Variants in ONECUT2 observed in about 807,000 individuals in gnomAD.
ONECUT2 encodes the protein one cut domain family member 2.
A neutral mutation model predicts 27.9 loss-of-function variants in ONECUT2; 10 were observed. The ratio of observed to expected loss-of-function variants is 0.36; its 90% CI spans 0.22 to 0.61. The LOEUF (loss-of-function observed/expected upper bound fraction) is 0.61. Among genes scored for constraint, ONECUT2 ranks in the 20% least tolerant of loss-of-function variants. The probability of loss-of-function intolerance (pLI) is 0.73; values close to 1 mark genes in which losing one functional copy is unlikely to be tolerated. For synonymous variants in ONECUT2, 334 were observed against 315.1 expected (o/e 1.06, Z -0.64); for missense variants, 686 against 721.0 (o/e 0.95, Z 0.56).
intron 1 of ONECUT2, among the ~76,000 whole-genome samples, chr18:57,441,649 C>T (rs914401135): frequency 1.3e-5 from 2 of 152,370 alleles, no homozygotes; most frequent in African/African-American, 2.4e-5. Flanking sequence ...TGTGCTTGGC[C>T]GTTGCCACTG....
chr18:57,435,856 G>T lies in ONECUT2; in HGVS notation c.140G>T (p.Gly47Val). ...GGCAGTGGCGGGGGCGGCGGCGGGG[G>T]CGGCGGGGGCGGCGGCGGGGGCCCG... ...GGGSGGGGGG[G>V]GGGGGGGPGH... is the part of the protein sequence containing the mutation. The change falls in exon 1 of 2, where the codon GGC (glycine) becomes GTC (valine). Residue 47 changes from glycine to valine, a missense_variant. Physicochemically the swap from Gly to Val is moderately radical, Grantham distance 109. Transcript: ENST00000491143. 9.9e-7 allele frequency: 1 copy of T among 1,007,132 alleles called. No individual in the cohort carries two copies. Among genetic ancestry groups the T allele is most frequent in the Non-Finnish European group, 1.2e-6 (1 of 843,204 alleles). The allele number at this position is 1,007,132 out of a possible 1,614,324, so 62.4% of individuals were successfully genotyped here.
rs1027362483 is a variant in ONECUT2 at position 57,490,841 on chromosome 18, T to C, written c.*14118T>C. ...TTGACATCACCTCTCATGTTTAAAA[T>C]CAGGAAAACACACCCCTAAAATTTG... On this transcript the variant is annotated 3_prime_UTR_variant, in exon 2 of 2. Coordinates refer to ENST00000491143, the MANE Select transcript of ONECUT2 (RefSeq NM_004852.3). The C allele has an allele frequency of 6.5e-6, 1 of 152,744 alleles. No individual in the cohort carries two copies. Among genetic ancestry groups the C allele is most frequent in the African/African-American group, 2.4e-5 (1 of 41,570 alleles). 9.5% of individuals were successfully genotyped at this position (152,744 alleles called of 1,614,324 possible).
chr18:57,475,618 C>T (rs2050377965), intron 1 of ONECUT2, among the ~76,000 whole-genome samples: 1 of 152,180 alleles, frequency 6.6e-6, no homozygotes, highest in Admixed American at 6.5e-5. Flanking sequence ...GGTCGTGACA[C>T]ATAATGGCCT....
chr18:57,488,581 C>T lies in ONECUT2; in HGVS notation c.*11858C>T, dbSNP rs544267250. On this transcript the variant is annotated 3_prime_UTR_variant, in exon 2 of 2. Transcript: ENST00000491143. ...GCCATTTTATGTCCTTTTCTTTTAA[C>T]ATTGTGGAAAGTGGTATGTTGAATC... 2.6e-5 allele frequency: 4 copies of T among 152,686 alleles called. No individual in the cohort carries two copies. The East Asian group carries it at 7.7e-4, about 29-fold the overall frequency. 9.5% of individuals were successfully genotyped at this position (152,686 alleles called of 1,614,324 possible).
At chr18:57,451,576 CAGA>C (rs2144312335) in intron 1 of ONECUT2, among the ~76,000 whole-genome samples, 1 of 152,318 alleles carries the variant, frequency 6.6e-6, no homozygotes, top group African/African-American at 2.4e-5. Context: ...CATCTGGAAC[CAGA>C]AGGAGTCCAT....
chr18:57,474,291 C>T (rs2050369743), intron 1 of ONECUT2, among the ~76,000 whole-genome samples: 5 of 152,072 alleles, frequency 3.3e-5, no homozygotes, highest in Non-Finnish European at 7.4e-5. Context: ...GGAGGGCAGC[C>T]AGTTAGGTAG....
Position 57,486,825 on chromosome 18 carries a change from A to G in ONECUT2, c.*10102A>G, listed in dbSNP as rs1023456576. The G allele has an allele frequency of 6.6e-6, 1 of 152,568 alleles. No homozygotes were observed. The highest frequency in any genetic ancestry group is 2.4e-5 in the African/African-American group (1 of 41,496). 9.5% of individuals were successfully genotyped at this position (152,568 alleles called of 1,614,324 possible). The stretch of plus-strand genomic sequence containing the variant: ...ATTTGCTCTGTTGAAAAGAATAATT[A>G]TTTTCTACATTTGTGCCACTTGGTC... On this transcript the variant is annotated 3_prime_UTR_variant, in exon 2 of 2. Transcript: ENST00000491143.
chr18:57,445,013 C>T (rs554009911), intron 1 of ONECUT2, among the ~76,000 whole-genome samples: 11 of 152,088 alleles, frequency 7.2e-5, no homozygotes, highest in Non-Finnish European at 1.6e-4. Flanking sequence ...AAAATAGATG[C>T]ATTTGGCATC....
Position 57,486,392 on chromosome 18 carries a change from CTA to C in ONECUT2, c.*9671_*9672del, listed in dbSNP as rs901386107. ...TGTACTAATACCAAAGGTTCTTTCT[CTA>C]TGTCTCCTCCTCTGCCTCCCTCGTT... is the stretch of plus-strand genomic sequence containing the variant. On this transcript the variant is annotated 3_prime_UTR_variant, in exon 2 of 2. Coordinates refer to ENST00000491143, the MANE Select transcript of ONECUT2 (RefSeq NM_004852.3). 20 of 152,748 alleles carry C rather than the reference CTA, an allele frequency of 1.3e-4. No homozygotes were observed. The highest frequency in any genetic ancestry group is 4.8e-4 in the African/African-American group (20 of 41,560). 9.5% of individuals were successfully genotyped at this position (152,748 alleles called of 1,614,324 possible).
In ONECUT2 at chr18:57,488,542, G is replaced by A. The variant is rs1444258926; in HGVS notation, c.*11819G>A. 3 of 152,550 alleles carry A rather than the reference G, an allele frequency of 2.0e-5. No homozygotes were observed. The highest frequency in any genetic ancestry group is 2.0e-4 in the Admixed American group (3 of 15,262). The allele number at this position is 152,550 out of a possible 1,614,324, so 9.4% of individuals were successfully genotyped here. Reference sequence around the variant, plus strand: ...GAAGACTTGTCTTATGAAACCCAAGGTATATTTTGTTATGCCATTTTATGT... The same window carrying A: ...GAAGACTTGTCTTATGAAACCCAAGATATATTTTGTTATGCCATTTTATGT... On this transcript the variant is annotated 3_prime_UTR_variant, in exon 2 of 2. Transcript: ENST00000491143.
In ONECUT2 at chr18:57,484,025, A is replaced by G. The variant is rs1004711717; in HGVS notation, c.*7302A>G. On this transcript the variant is annotated 3_prime_UTR_variant, in exon 2 of 2. Transcript: ENST00000491143. ...CTGAACCTGTGCATTCAGAAAACATAAGCTGAGACCCTGCTTCACCAGCCT... is the reference window on the plus strand; with the variant it reads ...CTGAACCTGTGCATTCAGAAAACATGAGCTGAGACCCTGCTTCACCAGCCT... The G allele has an allele frequency of 2.0e-5, 3 of 152,658 alleles. No individual in the cohort carries two copies. The highest frequency in any genetic ancestry group is 7.2e-5 in the African/African-American group (3 of 41,460). The allele number at this position is 152,658 out of a possible 1,614,324, so 9.5% of individuals were successfully genotyped here. A position where few individuals can be genotyped will look rare whatever the true frequency, so the allele number is the denominator to read the frequency against.
chr18:57,471,473 C>G (rs2050353479), intron 1 of ONECUT2, among the ~76,000 whole-genome samples: 1 of 152,186 alleles, frequency 6.6e-6, no homozygotes, highest in East Asian at 1.9e-4. Context: ...TGTCCTGTGT[C>G]TGACCTCCTG....
chr18:57,451,594 C>T (rs189908565), intron 1 of ONECUT2, among the ~76,000 whole-genome samples: 30 of 152,352 alleles, frequency 2.0e-4, no homozygotes, highest in Admixed American at 4.6e-4. Flanking sequence ...GTCCATATCG[C>T]TAGCCCCACT....
intron 1 of ONECUT2, among the ~76,000 whole-genome samples, chr18:57,464,270 A>G (rs1353363008): frequency 6.6e-6 from 1 of 152,116 alleles, no homozygotes; most frequent in Non-Finnish European, 1.5e-5. Context: ...AGCTTTTGCC[A>G]TTTCATCAGT....
chr18:57,450,507 G>T (rs2050224249), intron 1 of ONECUT2, among the ~76,000 whole-genome samples: 1 of 152,112 alleles, frequency 6.6e-6, no homozygotes, highest in Non-Finnish European at 1.5e-5. Context: ...TAAATGCTTT[G>T]GTCATTGTTG....
At chr18:57,442,241 TG>T (rs141734335) in intron 1 of ONECUT2, among the ~76,000 whole-genome samples, 10,805 of 126,308 alleles carry the variant, frequency 0.086, 640 homozygotes, top group African/African-American at 0.19. Flanking sequence ...CTAATTCTTC[TG>T]GGTTTTTTTT....
Position 57,489,435 on chromosome 18 carries a change from C to T in ONECUT2, c.*12712C>T, listed in dbSNP as rs2050453945. On this transcript the variant is annotated 3_prime_UTR_variant, in exon 2 of 2. Transcript: ENST00000491143. ...CACATTGCCTATGCTGTTGATCTGT[C>T]TTGGGCGACAGGCTGAATCACAGCT... 6.6e-6 allele frequency: 1 copy of T among 152,164 alleles called. No individual in the cohort carries two copies. The highest frequency in any genetic ancestry group is 1.5e-5 in the Non-Finnish European group (1 of 68,054). 9.4% of individuals were successfully genotyped at this position (152,164 alleles called of 1,614,324 possible).
At chr18:57,451,630 A>G (rs1202624754) in intron 1 of ONECUT2, among the ~76,000 whole-genome samples, 1 of 152,186 alleles carries the variant, frequency 6.6e-6, no homozygotes, top group Non-Finnish European at 1.5e-5. Context: ...CTCCATCCCG[A>G]GCCTTAGATT....
intron 1 of ONECUT2, among the ~76,000 whole-genome samples, chr18:57,445,020 C>G (rs1468434502): frequency 6.6e-6 from 1 of 152,026 alleles, no homozygotes; most frequent in African/African-American, 2.4e-5. Context: ...ATGCATTTGG[C>G]ATCTTTTTTT....
Sources: gnomAD v4.1 joint callset for allele counts (sites outside exome capture counted in the v4.1 genomes callset) on GRCh38, gnomAD v4.1.1 for gene constraint, MANE v1.5 for transcripts, NCBI Gene and HGNC (gene_info 2026-07-23, HGNC 2026-07-21) for gene names.